Variants in ANKS1B observed in about 807,000 individuals in gnomAD.
The protein encoded by ANKS1B is ankyrin repeat and sterile alpha motif domain-containing protein 1B.
Under a neutral mutation model 148.3 loss-of-function variants are expected in ANKS1B, and 36 were observed. The observed-to-expected ratio is 0.24, with a 90% confidence interval of 0.19 to 0.32. ANKS1B has a LOEUF of 0.32. ANKS1B is among the 10% of genes least tolerant of loss of function. The pLI is 1.00. For missense variants in ANKS1B, 1,157 were observed against 1,542.6 expected, an observed-to-expected ratio of 0.75 and a Z score of 4.19; for synonymous variants, 542 against 560.8, an observed-to-expected ratio of 0.97 and a Z score of 0.47.
At chr12:98,894,746 C>T (rs2099760396) in intron 17 of ANKS1B, 1 of 985,626 alleles carries the variant, frequency 1.0e-6, no homozygotes, top group Non-Finnish European at 1.2e-6. Flanking sequence ...CTCTGTGCAT[C>T]TTTCTGGGCG....
Position 99,165,069 on chromosome 12 carries a change from A to C in ANKS1B, c.2420-10674T>G, listed in dbSNP as rs1294388993. Among the ~76,000 whole-genome samples, 8 of 152,126 alleles carry C rather than the reference A, an allele frequency of 5.3e-5. No homozygotes were observed. In the East Asian group the frequency reaches 1.3e-3, roughly 26 times the overall value. The stretch of plus-strand genomic sequence containing the variant: ...AGCAGAGTGAATCACAATTTGTGAG[A>C]TGCAGGTAAAATGGTACTTGGAGAT... On this transcript the variant is annotated intron_variant, in intron 14 of 26. Coordinates refer to ENST00000683438, the MANE Select transcript of ANKS1B (RefSeq NM_001352186.2).
intron 17 of ANKS1B, among the ~76,000 whole-genome samples, chr12:98,940,556 C>A (rs1201108383): frequency 6.6e-6 from 1 of 152,116 alleles, no homozygotes; most frequent in Non-Finnish European, 1.5e-5. Flanking sequence ...TCTCTACCAG[C>A]ACTTATTATT....
At chr12:99,609,131 C>G (rs565447936) in intron 9 of ANKS1B, among the ~76,000 whole-genome samples, 2 of 151,952 alleles carry the variant, frequency 1.3e-5, no homozygotes, top group East Asian at 3.9e-4. Context: ...CTGTGAAGTT[C>G]CCATGGGAGA....
chr12:99,967,311 TA>T (rs2095496342), intron 1 of ANKS1B, among the ~76,000 whole-genome samples: 1 of 152,160 alleles, frequency 6.6e-6, no homozygotes, highest in Non-Finnish European at 1.5e-5. Flanking sequence ...CTCCACTTTA[TA>T]AATAAGGAAA....
At chr12:99,066,062 TC>T (rs2044210581) in intron 16 of ANKS1B, among the ~76,000 whole-genome samples, 1 of 152,042 alleles carries the variant, frequency 6.6e-6, no homozygotes, top group South Asian at 2.1e-4. Context: ...ATGTCTGTAA[TC>T]CCAGAACTTT....
intron 11 of ANKS1B, among the ~76,000 whole-genome samples, chr12:99,431,192 C>T (rs2095364019): frequency 6.6e-6 from 1 of 152,178 alleles, no homozygotes; most frequent in African/African-American, 2.4e-5. Flanking sequence ...AAAACTTGTT[C>T]TTCAACATGA....
intron 12 of ANKS1B, among the ~76,000 whole-genome samples, chr12:99,347,359 G>T (rs2090844544): frequency 6.6e-6 from 1 of 151,962 alleles, no homozygotes; most frequent in Non-Finnish European, 1.5e-5. Flanking sequence ...TATCTAGAAG[G>T]TCACACACAT....
intron 17 of ANKS1B, among the ~76,000 whole-genome samples, chr12:98,939,393 T>C (rs2099831229): frequency 6.6e-6 from 1 of 152,250 alleles, no homozygotes; most frequent in South Asian, 2.1e-4. Context: ...AAGTTCCTTT[T>C]GTGCTAAGAA....
At chr12:99,043,865 T>C (rs2099960628) in intron 17 of ANKS1B, among the ~76,000 whole-genome samples, 1 of 152,256 alleles carries the variant, frequency 6.6e-6, no homozygotes, top group Non-Finnish European at 1.5e-5. Flanking sequence ...TGAATCTTTA[T>C]GATCAATCTC....
chr12:99,674,795 A>G (rs931909216), intron 8 of ANKS1B, among the ~76,000 whole-genome samples: 2 of 151,828 alleles, frequency 1.3e-5, no homozygotes, highest in African/African-American at 4.8e-5. Context: ...AAAAAAATTA[A>G]CCCCTGTATT....
intron 12 of ANKS1B, among the ~76,000 whole-genome samples, chr12:99,300,538 C>T (rs888637344): frequency 2.0e-5 from 3 of 151,858 alleles, no homozygotes; most frequent in Non-Finnish European, 4.4e-5. Flanking sequence ...CATGGAGCAT[C>T]TACATTTTTG....
intron 16 of ANKS1B, among the ~76,000 whole-genome samples, chr12:99,061,931 G>T (rs546124735): frequency 6.6e-6 from 1 of 152,160 alleles, no homozygotes; most frequent in East Asian, 1.9e-4. Flanking sequence ...GATAAGAGGA[G>T]AAAAATGCAG....
At chr12:99,012,705 G>T in intron 17 of ANKS1B, among the ~76,000 whole-genome samples, 1 of 151,862 alleles carries the variant, frequency 6.6e-6, no homozygotes, top group East Asian at 1.9e-4. Flanking sequence ...TCTGCACTTG[G>T]GTTGTATTTT....
intron 11 of ANKS1B, among the ~76,000 whole-genome samples, chr12:99,416,687 A>G (rs963402969): frequency 6.6e-6 from 1 of 151,970 alleles, no homozygotes; most frequent in Non-Finnish European, 1.5e-5. Flanking sequence ...CCCATTTTCT[A>G]ATTGGATTAT....
rs567116059 is a variant in ANKS1B at position 99,437,310 on chromosome 12, T to A, written c.1575+6363A>T. On this transcript the variant is annotated intron_variant, in intron 11 of 26. Transcript: ENST00000683438. ...CTAATCCTCTCCTAAAGGCCCCACT[T>A]TTTAATACTATTACATTGGGGATTT... Among the ~76,000 whole-genome samples the A allele has an allele frequency of 6.6e-5, 10 of 152,098 alleles. 2 individuals are homozygous for A. In the South Asian group the frequency reaches 2.1e-3, roughly 32 times the overall value.
intron 10 of ANKS1B, among the ~76,000 whole-genome samples, chr12:99,489,708 G>C (rs1270707229): frequency 7.2e-5 from 11 of 152,178 alleles, no homozygotes; most frequent in Admixed American, 7.2e-4. Context: ...AGGTCAGTTA[G>C]TTTCAAAAGG....
At chr12:99,436,844 T>C (rs757842522) in intron 11 of ANKS1B, among the ~76,000 whole-genome samples, 3 of 152,038 alleles carry the variant, frequency 2.0e-5, no homozygotes, top group Non-Finnish European at 4.4e-5. Flanking sequence ...TCTCCTTTAG[T>C]GTCTTGAGAG....
At chr12:99,613,529 A>G (rs1188506267) in intron 9 of ANKS1B, among the ~76,000 whole-genome samples, 1 of 152,134 alleles carries the variant, frequency 6.6e-6, no homozygotes, top group Non-Finnish European at 1.5e-5. Flanking sequence ...CCATAAAAAA[A>G]GAATGAGATC....
At chr12:99,572,093 A>T (rs1156350580) in intron 9 of ANKS1B, among the ~76,000 whole-genome samples, 1 of 152,058 alleles carries the variant, frequency 6.6e-6, no homozygotes, top group Non-Finnish European at 1.5e-5. Flanking sequence ...ATGTGCACTA[A>T]CTAAGCTCTA....
Sources: allele counts gnomAD v4.1 joint callset (sites outside exome capture counted in the v4.1 genomes callset), GRCh38; gene constraint gnomAD v4.1.1; transcripts MANE v1.5; gene names NCBI Gene and HGNC (gene_info 2026-07-23, HGNC 2026-07-21).